ANAPC1: variants seen among roughly 807,000 people sequenced by gnomAD.
ANAPC1 encodes anaphase promoting complex subunit 1, also known as anaphase-promoting complex subunit 1.
Under a neutral mutation model 208.0 loss-of-function variants are expected in ANAPC1, and 36 were observed. The observed-to-expected ratio is 0.17, with a 90% CI of 0.13 to 0.23. ANAPC1 has a LOEUF of 0.23. Ranked by LOEUF, ANAPC1 falls within the 10% of genes least tolerant of loss-of-function variation. ANAPC1 has a pLI of 1.00. For missense variants in ANAPC1, 942 were observed against 2,011.6 expected, an observed-to-expected ratio of 0.47 and a Z score of 10.17; for synonymous variants, 378 against 695.2, an observed-to-expected ratio of 0.54 and a Z score of 7.18.
chr2:111,857,144 C>T lies in ANAPC1; in HGVS notation c.1359-258G>A. ...TGTATCTTGATTGTGGTGGTATTTA[C>T]ACACATCTACATATGTGAAAAAACT... On this transcript the variant is annotated intron_variant, in intron 11 of 47. Coordinates refer to ENST00000341068, the MANE Select transcript of ANAPC1 (RefSeq NM_022662.4). The T allele has an allele frequency of 7.0e-6, 3 of 429,270 alleles. No individual in the cohort carries two copies. In the South Asian group the frequency reaches 7.5e-5, roughly 11 times the overall value. The allele number at this position is 429,270 out of a possible 1,614,324, so 26.6% of individuals were successfully genotyped here.
Position 111,794,830 on chromosome 2 carries a change from A to T in ANAPC1, c.4361T>A (p.Leu1454Ter). The part of the protein sequence containing the change: ...IELPCSEDLN[L>*]ETLSQAHVYI... Reference sequence around the variant, plus strand: ...ATACATCACTTACGACAAAGTTTCCAAATTCAAATCCTCTGAGCACGGCAA... The same window carrying T: ...ATACATCACTTACGACAAAGTTTCCTAATTCAAATCCTCTGAGCACGGCAA... The change falls in exon 35 of 48, where the codon TTG becomes TAG. Residue 1454 changes from leucine to a stop codon, truncating the protein, a stop_gained. Coordinates refer to ENST00000341068, the MANE Select transcript of ANAPC1 (RefSeq NM_022662.4). LOFTEE classifies it high-confidence loss of function. 1.3e-6 allele frequency: 2 copies of T among 1,512,092 alleles called. No individual in the cohort carries two copies. The highest frequency in any genetic ancestry group is 1.8e-6 in the Non-Finnish European group (2 of 1,101,816). The allele number at this position is 1,512,092 out of a possible 1,614,324, so 93.7% of individuals were successfully genotyped here.
chr2:111,819,873 T>TA (rs1553422334), intron 26 of ANAPC1, among the ~76,000 whole-genome samples: 1 of 152,250 alleles, frequency 6.6e-6, no homozygotes, highest in Non-Finnish European at 1.5e-5. Context: ...TTTGCTGTCT[T>TA]AAAGATTCTC....
chr2:111,853,098 T>C (rs1448902810), intron 13 of ANAPC1, among the ~76,000 whole-genome samples: 2 of 152,338 alleles, frequency 1.3e-5, no homozygotes, highest in Non-Finnish European at 2.9e-5. Context: ...GCCTTCTTGG[T>C]GATTTGGCCC....
intron 1 of ANAPC1, among the ~76,000 whole-genome samples, chr2:111,882,207 A>G (rs1179730667): frequency 6.6e-6 from 1 of 151,716 alleles, no homozygotes; most frequent in Middle Eastern, 3.2e-3. Flanking sequence ...AAAGCAAAAA[A>G]AAAACCTCTA....
chr2:111,840,811 G>A (rs1680721210), intron 17 of ANAPC1, among the ~76,000 whole-genome samples: 1 of 152,350 alleles, frequency 6.6e-6, no homozygotes, highest in East Asian at 1.9e-4. Flanking sequence ...GGGAGGCCAA[G>A]GTGGGAGGAT....
At chr2:111,863,584 T>C (rs954181546) in intron 9 of ANAPC1, 91 bp downstream of exon 9, 17 of 1,241,096 alleles carry the variant, frequency 1.4e-5, no homozygotes, top group Admixed American at 2.5e-5. Context: ...CCCCTAAATA[T>C]ATTTCCCCTA....
rs570392698 is a variant in ANAPC1, at chr2:111,801,137, A to G, written c.4222-266T>C. Among the ~76,000 whole-genome samples, 13 of 152,226 alleles carry G rather than the reference A, an allele frequency of 8.5e-5. No individual in the cohort carries two copies. The East Asian group carries it at 2.5e-3, about 29-fold the overall frequency. ...TTTGGGAGACCAAGGCGGGCAGATC[A>G]CTGAAGCCCAGGAGTTTGAGACCAG... is the stretch of plus-strand genomic sequence containing the variant. On this transcript the variant is annotated intron_variant, in intron 33 of 47. Coordinates refer to ENST00000341068, the MANE Select transcript of ANAPC1 (RefSeq NM_022662.4).
rs558455482 is a variant in ANAPC1 at position 111,792,611 on chromosome 2, C to G, written c.4519-56G>C. The G allele has an allele frequency of 7.9e-5, 121 of 1,537,502 alleles. 2 individuals are homozygous for G. In the African/African-American group the frequency reaches 1.3e-3, roughly 16 times the overall value. On this transcript the variant is annotated intron_variant, in intron 37 of 47. Transcript: ENST00000341068. ...CTGTTGTGTTACATTTCTTTATTAT[C>G]AGAACTAGCTTAGCCATCATTAGAA...
intron 40 of ANAPC1, 87 bp downstream of exon 40, chr2:111,785,273 T>G: frequency 1.8e-6 from 1 of 555,758 alleles, no homozygotes; most frequent in Admixed American, 3.1e-5. Context: ...CTTATCACCT[T>G]TTACTGGACA....
intron 14 of ANAPC1, among the ~76,000 whole-genome samples, chr2:111,850,414 T>C (rs1681327410): frequency 6.6e-6 from 1 of 152,206 alleles, no homozygotes; most frequent in Non-Finnish European, 1.5e-5. Flanking sequence ...CCATTGGATG[T>C]TATCTTCCCA....
At chr2:111,830,687 A>G (rs1247548429) in intron 21 of ANAPC1, among the ~76,000 whole-genome samples, 2 of 152,206 alleles carry the variant, frequency 1.3e-5, no homozygotes, top group African/African-American at 2.4e-5. Flanking sequence ...TAAAACCACA[A>G]TGAGGTATAA....
At chr2:111,842,851 A>G (rs1680842576) in intron 17 of ANAPC1, among the ~76,000 whole-genome samples, 1 of 152,158 alleles carries the variant, frequency 6.6e-6, no homozygotes, top group Non-Finnish European at 1.5e-5. Flanking sequence ...AAATAATCTA[A>G]TAAGGGCCTG....
At chr2:111,825,239 C>T in intron 22 of ANAPC1, 72 bp from the exon 23 acceptor site, 2 of 1,559,102 alleles carry the variant, frequency 1.3e-6, no homozygotes, top group Non-Finnish European at 1.7e-6. Context: ...ATGTAGAAAA[C>T]ATTTGAAAAT....
intron 34 of ANAPC1, among the ~76,000 whole-genome samples, chr2:111,800,384 A>C (rs1678382938): frequency 7.4e-6 from 1 of 134,640 alleles, no homozygotes; most frequent in Admixed American, 7.5e-5. Flanking sequence ...TACTTGGCTT[A>C]TCGAATAAAT....
chr2:111,806,720 T>C (rs2104573245), intron 29 of ANAPC1, among the ~76,000 whole-genome samples: 1 of 151,076 alleles, frequency 6.6e-6, no homozygotes, highest in Non-Finnish European at 1.5e-5. Flanking sequence ...TGGTAGAATT[T>C]CTGTGTACTG....
intron 18 of ANAPC1, among the ~76,000 whole-genome samples, chr2:111,837,369 C>A (rs543428021): frequency 8.5e-5 from 13 of 152,306 alleles, no homozygotes; most frequent in African/African-American, 3.1e-4. Context: ...TGCCTGTAAT[C>A]CCAGAACTTT....
At position 111,768,253 on chromosome 2, in the gene ANAPC1, CCCT is replaced by C. The variant is rs1573279617; in HGVS notation, c.*1035_*1037del. 1 of 152,296 alleles carries C rather than the reference CCCT, an allele frequency of 6.6e-6. No individual in the cohort carries two copies. Among genetic ancestry groups the C allele is most frequent in the African/African-American group, 2.4e-5 (1 of 41,572 alleles). 9.4% of individuals were successfully genotyped at this position (152,296 alleles called of 1,614,324 possible). A position where few individuals can be genotyped will look rare whatever the true frequency, so the allele number is the denominator to read the frequency against. On this transcript the variant is annotated 3_prime_UTR_variant, in exon 48 of 48. Transcript: ENST00000341068. ...TTTCATCATCATCTAGTCCAGAAAT[CCCT>C]CCTTTTATAGACATACATTCTGTAA...
intron 1 of ANAPC1, among the ~76,000 whole-genome samples, chr2:111,881,694 T>C (rs1437480255): frequency 6.6e-6 from 1 of 152,252 alleles, no homozygotes; most frequent in Non-Finnish European, 1.5e-5. Context: ...TCCACTTTCC[T>C]GTACCTGTTT....
chr2:111,823,040 C>T (rs1422263083), intron 24 of ANAPC1, among the ~76,000 whole-genome samples: 4 of 109,814 alleles, frequency 3.6e-5, no homozygotes, highest in African/African-American at 1.5e-4. Context: ...GATGGAGTCT[C>T]GCTCTGTCGC....
Sources: allele counts gnomAD v4.1 joint callset (sites outside exome capture counted in the v4.1 genomes callset), GRCh38; gene constraint gnomAD v4.1.1; transcripts MANE v1.5; gene names NCBI Gene and HGNC (gene_info 2026-07-23, HGNC 2026-07-21).